The following ADAM9 variants were observed in gnomAD, a reference collection of about 807,000 sequenced individuals.
The protein encoded by ADAM9 is ADAM metallopeptidase domain 9.
A neutral mutation model predicts 108.1 loss-of-function variants in ADAM9; 54 were observed. The observed-to-expected ratio is 0.50, with a 90% CI of 0.40 to 0.63. The LOEUF is 0.63. Ranked by LOEUF, ADAM9 falls within the 20% of genes least tolerant of loss-of-function variation. The pLI is 0.00. For missense variants in ADAM9, 830 were observed against 997.7 expected (o/e 0.83, Z 2.26); for synonymous variants, 316 against 336.0 (o/e 0.94, Z 0.65).
chr8:39,098,197 C>T (rs1392830923), intron 20 of ADAM9, among the ~76,000 whole-genome samples: 3 of 151,936 alleles, frequency 2.0e-5, no homozygotes, highest in Admixed American at 1.3e-4. Context: ...CTAATTGATG[C>T]TGTAGATGAT....
At chr8:39,031,600 C>T (rs567372693) in intron 11 of ADAM9, among the ~76,000 whole-genome samples, 8 of 152,266 alleles carry the variant, frequency 5.3e-5, no homozygotes, top group African/African-American at 1.4e-4. Flanking sequence ...GAATATCCTC[C>T]TTTAGCTTGG....
chr8:39,036,155 T>C (rs535981239), intron 11 of ADAM9, among the ~76,000 whole-genome samples: 1 of 152,284 alleles, frequency 6.6e-6, no homozygotes, highest in South Asian at 2.1e-4. Flanking sequence ...TTTTTTGTTA[T>C]TGTTTATGAT....
chr8:39,035,477 A>G (rs555985464), intron 11 of ADAM9, among the ~76,000 whole-genome samples: 41 of 152,176 alleles, frequency 2.7e-4, no homozygotes, highest in African/African-American at 9.4e-4. Context: ...TTGTGGCTTC[A>G]TGTGGTATTT....
At chr8:39,027,898 G>A (rs1381252103) in intron 11 of ADAM9, among the ~76,000 whole-genome samples, 1 of 151,668 alleles carries the variant, frequency 6.6e-6, no homozygotes, top group Admixed American at 6.6e-5. Flanking sequence ...GTGAGACCCT[G>A]TCTCTAAAAA....
intron 14 of ADAM9, among the ~76,000 whole-genome samples, chr8:39,063,999 A>G (rs1041917473): frequency 1.3e-5 from 2 of 152,116 alleles, no homozygotes; most frequent in African/African-American, 4.8e-5. Context: ...GGTCACTTAT[A>G]TGGTGCTTGA....
In ADAM9 at chr8:38,997,047, C is replaced by A; in HGVS notation, c.-17C>A. On this transcript the variant is annotated 5_prime_UTR_variant, in exon 1 of 22. In the 5' UTR this introduces an upstream ATG that the reference lacks. Transcript: ENST00000487273. ...GAGGCGACCGAGTGCTGAGAGGAAC[C>A]TGCGGAATCGGCCGAGATGGGGTCT... is the stretch of plus-strand genomic sequence containing the variant. 6.2e-7 allele frequency: 1 copy of A among 1,605,666 alleles called. No homozygotes were observed. Among genetic ancestry groups the A allele is most frequent in the Non-Finnish European group, 8.5e-7 (1 of 1,179,376 alleles).
chr8:39,006,813 C>G (rs1386073112), intron 1 of ADAM9, among the ~76,000 whole-genome samples: 1 of 152,110 alleles, frequency 6.6e-6, no homozygotes, highest in African/African-American at 2.4e-5. Flanking sequence ...GTCTGCATGA[C>G]TTTCAGAGCT....
intron 12 of ADAM9, among the ~76,000 whole-genome samples, chr8:39,045,413 C>T (rs11779834): frequency 0.27 from 5,860 of 21,374 alleles, 1,711 homozygotes; most frequent in East Asian, 0.57. Flanking sequence ...TATATGTGCG[C>T]GTGTGTACAC....
chr8:39,016,844 G>C (rs893098106), intron 5 of ADAM9, among the ~76,000 whole-genome samples: 2 of 152,204 alleles, frequency 1.3e-5, no homozygotes, highest in African/African-American at 4.8e-5. Flanking sequence ...ATCCTGTGCA[G>C]AGTGCAAACC....
At chr8:39,018,742 A>G in intron 6 of ADAM9, 111 bp from the exon 7 acceptor site, 2 of 972,086 alleles carry the variant, frequency 2.1e-6, no homozygotes, top group Non-Finnish European at 3.3e-6. Flanking sequence ...TATGTTAAGT[A>G]AAATAATTTT....
chr8:39,057,058 A>G (rs1166427422), intron 14 of ADAM9, among the ~76,000 whole-genome samples: 1 of 152,110 alleles, frequency 6.6e-6, no homozygotes, highest in Non-Finnish European at 1.5e-5. Context: ...CTATGTTTAG[A>G]TACGTTTAGA....
intron 13 of ADAM9, 33 bp downstream of exon 13, chr8:39,054,606 A>T: frequency 7.0e-7 from 1 of 1,422,176 alleles, no homozygotes. Flanking sequence ...AAACAGGAAA[A>T]AAAAAAAAAA....
Position 39,090,028 on chromosome 8 carries a change from GTAAAATTCTTCTCTCTAGAAATGAA to G in ADAM9, c.2069-16_2077del. 6.2e-7 allele frequency: 1 copy of G among 1,613,200 alleles called. No homozygotes were observed. The highest frequency in any genetic ancestry group is 1.1e-5 in the South Asian group (1 of 91,046). On this transcript the variant is annotated splice_acceptor_variant and splice_polypyrimidine_tract_variant and coding_sequence_variant and intron_variant, in exon 19 of 22. Transcript: ENST00000487273. LOFTEE classifies it high-confidence loss of function. ...TAGTATGAGTTTGGTGACTGTTGAT[GTAAAATTCTTCTCTCTAGAAATGAA>G]TACTGCATTGAGGGACGGACTTCTG...
In ADAM9 at chr8:39,091,326, G is replaced by C. The variant is rs375832584; in HGVS notation, c.2278G>C (p.Val760Leu). 1.1e-5 allele frequency: 17 copies of C among 1,614,072 alleles called. No homozygotes were observed. Among genetic ancestry groups the C allele is most frequent in the Non-Finnish European group, 1.4e-5 (17 of 1,179,972 alleles). ...PGSVPRHVSP[V>L]TPPREVPIYA... The stretch of plus-strand genomic sequence containing the variant: ...GAGTGTTCCTCGACATGTTTCTCCA[G>C]TGACACCTCCCAGAGAAGTTGTAAG... The change falls in exon 20 of 22, where the codon GTG (valine) becomes CTG (leucine). Residue 760 changes from valine (V) to leucine (L), a missense_variant. Coordinates refer to ENST00000487273, the MANE Select transcript of ADAM9 (RefSeq NM_003816.3).
At chr8:39,065,972 A>G (rs1335550227) in intron 14 of ADAM9, among the ~76,000 whole-genome samples, 2 of 152,062 alleles carry the variant, frequency 1.3e-5, no homozygotes, top group East Asian at 3.9e-4. Flanking sequence ...TCATTCTTCA[A>G]TTCCAACCTA....
chr8:39,040,160 C>G (rs1218349689), intron 11 of ADAM9, among the ~76,000 whole-genome samples: 1 of 152,198 alleles, frequency 6.6e-6, no homozygotes, highest in Non-Finnish European at 1.5e-5. Context: ...AGCGATTCTC[C>G]TACCTCAGCC....
intron 1 of ADAM9, among the ~76,000 whole-genome samples, chr8:39,000,220 C>G (rs1835952864): frequency 6.6e-6 from 1 of 151,612 alleles, no homozygotes; most frequent in Non-Finnish European, 1.5e-5. Flanking sequence ...TCTCGACCTC[C>G]TGACCTCGTG....
intron 1 of ADAM9, among the ~76,000 whole-genome samples, chr8:38,999,024 C>T (rs1056052961): frequency 6.6e-6 from 1 of 151,996 alleles, no homozygotes; most frequent in East Asian, 1.9e-4. Context: ...AGGATAGAAT[C>T]TAGGAGGGAG....
chr8:39,090,277 T>C, intron 19 of ADAM9, 89 bp downstream of exon 19: 1 of 1,153,198 alleles, frequency 8.7e-7, no homozygotes, highest in Non-Finnish European at 1.2e-6. Context: ...GCTCAGGTGA[T>C]TCCCCCTGCC....
Sources: gnomAD v4.1 joint callset for allele counts (sites outside exome capture counted in the v4.1 genomes callset) on GRCh38, gnomAD v4.1.1 for gene constraint, MANE v1.5 for transcripts, NCBI Gene and HGNC (gene_info 2026-07-23, HGNC 2026-07-21) for gene names.